Variants in PARP2 observed in about 807,000 individuals in gnomAD.
The protein encoded by PARP2 is poly [ADP-ribose] polymerase 2.
PARP2 carries 57 observed loss-of-function variants against 77.8 expected under a neutral mutation model. That is an observed-to-expected ratio of 0.73 (90% CI 0.59 to 0.91). The LOEUF is 0.91. Ranked by LOEUF, PARP2 falls within the 40% of genes least tolerant of loss-of-function variation. The pLI is 0.00. For missense variants in PARP2, 651 were observed against 689.0 expected (o/e 0.94, Z 0.62); for synonymous variants, 226 against 242.6 (o/e 0.93, Z 0.64).
At chr14:20,357,273 T>C (rs1157029576) in intron 14 of PARP2, 123 bp from the exon 15 acceptor site, 1 of 1,332,226 alleles carries the variant, frequency 7.5e-7, no homozygotes, top group Non-Finnish European at 1.1e-6. Context: ...AAGTACAATT[T>C]CTAGTACATT....
Position 20,355,957 on chromosome 14 carries a change from C to T in PARP2, c.1027C>T (p.His343Tyr). The change falls in exon 11 of 16, where the codon CAC (histidine) becomes TAC (tyrosine). Residue 343 changes from histidine to tyrosine, a missense_variant. Coordinates refer to ENST00000429687, the MANE Select transcript of PARP2 (RefSeq NM_001042618.2). ...LVKTELQSPE[H>Y]PLDQHYRNLH... is the part of the protein sequence containing the mutation. Reference sequence around the variant, plus strand: ...GAAAACAGAGCTACAAAGCCCAGAACACCCATTGGACCAACACTATAGAAA... The same window carrying T: ...GAAAACAGAGCTACAAAGCCCAGAATACCCATTGGACCAACACTATAGAAA... 2 of 1,614,076 alleles carry T rather than the reference C, an allele frequency of 1.2e-6. No individual in the cohort carries two copies. Among genetic ancestry groups the T allele is most frequent in the Non-Finnish European group, 1.7e-6 (2 of 1,179,914 alleles).
rs200507197 is a variant in PARP2 at position 20,347,346 on chromosome 14, A to ATG, written c.324+443_324+444dup. On this transcript the variant is annotated intron_variant, in intron 4 of 15. Coordinates refer to ENST00000429687, the MANE Select transcript of PARP2 (RefSeq NM_001042618.2). ...CCACGCCTTGCCTAAAGTCCTTCAT[A>ATG]TGTGTGTGTGTATATATATATATAT... Among the ~76,000 whole-genome samples the ATG allele has an allele frequency of 8.0e-3, 499 of 62,070 alleles. 10 individuals carry two copies. Among genetic ancestry groups the ATG allele is most frequent in the Middle Eastern group, 0.023 (2 of 88 alleles). The allele number at this position is 62,070 out of a possible 152,430, so 40.7% of individuals were successfully genotyped here.
At position 20,356,042 on chromosome 14, in the gene PARP2, T is replaced by G; in HGVS notation, c.1101+11T>G. ...AGTTATGAGTTCAAAGTAAGAAAAA[T>G]GATCATTTATTTTCATATTCTTGCA... On this transcript the variant is annotated intron_variant, in intron 11 of 15. Transcript: ENST00000429687. 6.2e-7 allele frequency: 1 copy of G among 1,612,646 alleles called. No individual in the cohort carries two copies. The highest frequency in any genetic ancestry group is 8.5e-7 in the Non-Finnish European group (1 of 1,179,368).
rs1884158053 is a variant in PARP2, at chr14:20,356,510, A to G, written c.1229+76A>G. On this transcript the variant is annotated intron_variant, in intron 12 of 15. Transcript: ENST00000429687. ...GCTGTAGAACTTATAAGAGGGAGTC[A>G]GAGGAAGGTGTTGGCTTTTTTATGC... 3 of 1,606,122 alleles carry G rather than the reference A, an allele frequency of 1.9e-6. No homozygotes were observed. In the South Asian group the frequency reaches 3.3e-5, roughly 18 times the overall value.
intron 2 of PARP2, 141 bp downstream of exon 2, chr14:20,345,228 C>G (rs1018609595): frequency 7.8e-6 from 8 of 1,032,134 alleles, no homozygotes; most frequent in Non-Finnish European, 8.8e-6. Context: ...TACCACAGCA[C>G]TAATCTACTG....
rs747921516 is a variant in PARP2, at chr14:20,354,793, C to T, written c.764-16C>T. On this transcript the variant is annotated splice_polypyrimidine_tract_variant and intron_variant, in intron 8 of 15. Coordinates refer to ENST00000429687, the MANE Select transcript of PARP2 (RefSeq NM_001042618.2). ...GGGATCCTAGTTTGGAGTCTGATCT[C>T]TGGGTGGGCCTGCAGGGAAGCTGAC... The T allele has an allele frequency of 2.5e-6, 4 of 1,604,308 alleles. No homozygotes were observed. The highest frequency in any genetic ancestry group is 3.5e-5 in the Admixed American group (2 of 57,794).
Position 20,352,237 on chromosome 14 carries a change from CT to C in PARP2, c.498-7del. 6.5e-7 allele frequency: 1 copy of C among 1,537,326 alleles called. No homozygotes were observed. The highest frequency in any genetic ancestry group is 9.0e-7 in the Non-Finnish European group (1 of 1,110,290). ...TTGTAAAGTTTTCTTACACCTTGGA[CT>C]CTACAGATTCCTTGACAAAACGAAA... is the stretch of plus-strand genomic sequence containing the variant. On this transcript the variant is annotated splice_region_variant and splice_polypyrimidine_tract_variant and intron_variant, in intron 6 of 15. Coordinates refer to ENST00000429687, the MANE Select transcript of PARP2 (RefSeq NM_001042618.2).
At position 20,352,568 on chromosome 14, in the gene PARP2, T is replaced by TTTTTTTTTTTG. The variant is rs10695113; in HGVS notation, c.600+221_600+222insTTTTTTTTTTG. 2,723 of 296,294 alleles carry TTTTTTTTTTTG rather than the reference T, an allele frequency of 9.2e-3. 9 individuals carry two copies. Among genetic ancestry groups the TTTTTTTTTTTG allele is most frequent in the South Asian group, 0.017 (213 of 12,478 alleles). The allele number at this position is 296,294 out of a possible 1,614,324, so 18.4% of individuals were successfully genotyped here. A position where few individuals can be genotyped will look rare whatever the true frequency, so the allele number is the denominator to read the frequency against. ...CAGCTGATTTTTTTTCTTTTTTTTTTGTAAAGATGAGGTTTCACTATGTTG... is the reference window on the plus strand; with the variant it reads ...CAGCTGATTTTTTTTCTTTTTTTTTTTTTTTTTTTTGGTAAAGATGAGGTTTCACTATGTTG... On this transcript the variant is annotated intron_variant, in intron 7 of 15. Coordinates refer to ENST00000429687, the MANE Select transcript of PARP2 (RefSeq NM_001042618.2).
Position 20,357,085 on chromosome 14 carries a change from C to T in PARP2, c.1364C>T (p.Ser455Phe). The change falls in exon 14 of 16, where the codon TCC becomes TTC. Residue 455 changes from serine to phenylalanine, a missense_variant. Transcript: ENST00000429687. ...GKGIYFADMS[S>F]KSANYCFASR... Reference sequence around the variant, plus strand: ...GGAATCTACTTTGCTGACATGTCTTCCAAGAGTGCCAATTACTGCTTTGCC... The same window carrying T: ...GGAATCTACTTTGCTGACATGTCTTTCAAGAGTGCCAATTACTGCTTTGCC... 1 of 1,613,034 alleles carries T rather than the reference C, an allele frequency of 6.2e-7. No individual in the cohort carries two copies. The highest frequency in any genetic ancestry group is 1.1e-5 in the South Asian group (1 of 91,054).
chr14:20,356,022 T>C lies in PARP2; in HGVS notation c.1092T>C (p.Tyr364=), dbSNP rs3093930. The C allele has an allele frequency of 0.65, 1,042,151 of 1,612,698 alleles. 342,961 individuals carry two copies. The highest frequency in any genetic ancestry group is 0.68 in the Non-Finnish European group (799,871 of 1,179,126). The change falls in exon 11 of 16, where the codon TAT becomes TAC. Residue 364 remains tyrosine (Y), a synonymous_variant. Coordinates refer to ENST00000429687, the MANE Select transcript of PARP2 (RefSeq NM_001042618.2). ...TGCGCCCCCTTGACCATGAAAGTTATGAGTTCAAAGTAAGAAAAATGATCA... is the reference window on the plus strand; with the variant it reads ...TGCGCCCCCTTGACCATGAAAGTTACGAGTTCAAAGTAAGAAAAATGATCA... ...CALRPLDHES[Y]EFKVISQYLQ... is the part of the protein sequence containing the mutation.
At chr14:20,356,256 G>C in intron 11 of PARP2, 51 bp from the exon 12 acceptor site, 5 of 1,600,094 alleles carry the variant, frequency 3.1e-6, no homozygotes, top group Non-Finnish European at 4.3e-6. Flanking sequence ...CTTCAGTTCA[G>C]CTCAGTCTCT....
At chr14:20,349,034 AAAG>A (rs1349883946) in intron 4 of PARP2, among the ~76,000 whole-genome samples, 1 of 151,902 alleles carries the variant, frequency 6.6e-6, no homozygotes, top group African/African-American at 2.4e-5. Flanking sequence ...AAAAAAAAGA[AAAG>A]AAGGAAAATA....
chr14:20,356,473 C>T, intron 12 of PARP2, 39 bp downstream of exon 12: 1 of 1,613,568 alleles, frequency 6.2e-7, no homozygotes, highest in Non-Finnish European at 8.5e-7. Flanking sequence ...ACACTCCTTG[C>T]CCGAAAGTAC....
intron 6 of PARP2, among the ~76,000 whole-genome samples, chr14:20,351,730 A>G (rs989931803): frequency 8.9e-5 from 11 of 122,912 alleles, no homozygotes; most frequent in African/African-American, 1.5e-4. Context: ...ATAATATTCA[A>G]CTAGGGGCTG....
At chr14:20,350,283 G>A (rs1304251808) in intron 4 of PARP2, among the ~76,000 whole-genome samples, 13 of 152,178 alleles carry the variant, frequency 8.5e-5, no homozygotes, top group Non-Finnish European at 1.5e-4. Context: ...GATATTTGAG[G>A]TTGGATAGAG....
rs1566417716 is a variant in PARP2, at chr14:20,346,914, G to A, written c.324+1G>A. On this transcript the variant is annotated splice_donor_variant, in intron 4 of 15. Transcript: ENST00000429687. LOFTEE classifies it high-confidence loss of function. Reference sequence around the variant, plus strand: ...TGTCTATGATGTCATGCTAAATCAGGTAAGAGGCAAGAAGAGGTGGCACCA... The same window carrying A: ...TGTCTATGATGTCATGCTAAATCAGATAAGAGGCAAGAAGAGGTGGCACCA... 6.3e-7 allele frequency: 1 copy of A among 1,595,568 alleles called. No individual in the cohort carries two copies. Among genetic ancestry groups the A allele is most frequent in the Non-Finnish European group, 8.6e-7 (1 of 1,164,390 alleles).
chr14:20,349,428 G>A (rs1883881207), intron 4 of PARP2, among the ~76,000 whole-genome samples: 1 of 152,140 alleles, frequency 6.6e-6, no homozygotes, highest in East Asian at 1.9e-4. Context: ...CCAGCACTTT[G>A]GGAGGCCAAG....
chr14:20,350,828 C>T, intron 5 of PARP2: 1 of 604,520 alleles, frequency 1.7e-6, no homozygotes, highest in Non-Finnish European at 3.0e-6. Context: ...TAAGAGCAGC[C>T]CATTGAGTCT....
chr14:20,355,206 A>G (rs1325428020), intron 9 of PARP2: 2 of 337,368 alleles, frequency 5.9e-6, no homozygotes, highest in Non-Finnish European at 5.3e-6. Context: ...TAGCTATCCA[A>G]CCACCCAAGT....
Sources: gnomAD v4.1 joint callset for allele counts (sites outside exome capture counted in the v4.1 genomes callset) on GRCh38, gnomAD v4.1.1 for gene constraint, MANE v1.5 for transcripts, NCBI Gene and HGNC (gene_info 2026-07-23, HGNC 2026-07-21) for gene names.